SULF2: variants seen among roughly 807,000 people sequenced by gnomAD.
SULF2 encodes the protein extracellular sulfatase Sulf-2.
A neutral mutation model predicts 107.7 loss-of-function variants in SULF2; 52 were observed. That is an observed-to-expected ratio of 0.48 (90% CI 0.39 to 0.61). The LOEUF (loss-of-function observed/expected upper bound fraction) is 0.61. Ranked by LOEUF, SULF2 falls within the 20% of genes least tolerant of loss-of-function variation. SULF2 has a pLI of 0.00. For synonymous variants in SULF2, 460 were observed against 464.3 expected (o/e 0.99, Z 0.12); for missense variants, 993 against 1,177.3 (o/e 0.84, Z 2.29).
At chr20:47,713,612 T>C (rs2089006383) in intron 3 of SULF2, among the ~76,000 whole-genome samples, 1 of 151,562 alleles carries the variant, frequency 6.6e-6, no homozygotes, top group Admixed American at 6.6e-5. Context: ...GGGCCAGGCG[T>C]GGTGGCTCAT....
intron 3 of SULF2, among the ~76,000 whole-genome samples, chr20:47,712,889 G>T (rs570007506): frequency 3.1e-4 from 47 of 152,226 alleles, no homozygotes; most frequent in Admixed American, 2.9e-3. Context: ...CAAAAAATTA[G>T]CCAGGTGTGG....
At chr20:47,687,173 GGAT>G (rs1162608198) in intron 5 of SULF2, among the ~76,000 whole-genome samples, 2 of 152,326 alleles carry the variant, frequency 1.3e-5, no homozygotes, top group Admixed American at 6.5e-5. Context: ...ACTGTTCAGA[GGAT>G]GATGATTTCT....
intron 1 of SULF2, among the ~76,000 whole-genome samples, chr20:47,773,936 C>T (rs532539293): frequency 2.0e-5 from 3 of 152,230 alleles, no homozygotes; most frequent in Admixed American, 1.3e-4. Flanking sequence ...GGTATTTTGA[C>T]GGCTTGGTAT....
At chr20:47,764,702 G>A (rs1209099923) in intron 1 of SULF2, among the ~76,000 whole-genome samples, 1 of 152,190 alleles carries the variant, frequency 6.6e-6, no homozygotes, top group Non-Finnish European at 1.5e-5. Flanking sequence ...GGTGGACCAA[G>A]TTGCATCTTG....
Position 47,678,394 on chromosome 20 carries a change from T to G in SULF2, c.1193+282A>C. 1 of 395,290 alleles carries G rather than the reference T, an allele frequency of 2.5e-6. No individual in the cohort carries two copies. Among genetic ancestry groups the G allele is most frequent in the Non-Finnish European group, 4.8e-6 (1 of 209,488 alleles). The allele number at this position is 395,290 out of a possible 1,614,324, so 24.5% of individuals were successfully genotyped here. ...CACAAGCGCCGTGCAGTTAGCACCA[T>G]CTCCTACCATCACTGCTGCTATCAT... On this transcript the variant is annotated intron_variant, in intron 8 of 20. Transcript: ENST00000688720. The surrounding 1 kb of genome is among the most constrained non-coding windows in gnomAD (Gnocchi z 4.5).
chr20:47,768,546 AGGCCTCAGGGCAC>A (rs2090567339), intron 1 of SULF2, among the ~76,000 whole-genome samples: 1 of 152,240 alleles, frequency 6.6e-6, no homozygotes, highest in Non-Finnish European at 1.5e-5. Flanking sequence ...GTGTGAACAG[AGGCCTCAGGGCAC>A]GGCCTACCAG....
chr20:47,692,890 A>AT (rs1388470100), intron 4 of SULF2, among the ~76,000 whole-genome samples: 2 of 152,182 alleles, frequency 1.3e-5, no homozygotes, highest in Non-Finnish European at 2.9e-5. Flanking sequence ...GAAACATTCT[A>AT]TTTTTTGTGG....
At chr20:47,774,105 G>C (rs1019305880) in intron 1 of SULF2, among the ~76,000 whole-genome samples, 2 of 152,252 alleles carry the variant, frequency 1.3e-5, no homozygotes, top group African/African-American at 2.4e-5. Flanking sequence ...GAAGGAGTCA[G>C]AATCAACTTT....
intron 2 of SULF2, among the ~76,000 whole-genome samples, chr20:47,748,370 C>T (rs566194557): frequency 6.6e-6 from 1 of 152,384 alleles, no homozygotes; most frequent in African/African-American, 2.4e-5. Flanking sequence ...CACAACCCCA[C>T]TTCCCACTGC....
chr20:47,677,585 A>C (rs1233972543), intron 8 of SULF2, among the ~76,000 whole-genome samples: 1 of 152,196 alleles, frequency 6.6e-6, no homozygotes, highest in East Asian at 1.9e-4. Flanking sequence ...TGTCAGGCGC[A>C]GTGGTTGCCT....
At position 47,672,297 on chromosome 20, in the gene SULF2, C is replaced by T. The variant is rs140635355; in HGVS notation, c.1477G>A (p.Val493Met). 54 of 1,613,462 alleles carry T rather than the reference C, an allele frequency of 3.3e-5. No individual in the cohort carries two copies. The highest frequency in any genetic ancestry group is 7.7e-5 in the South Asian group (7 of 91,078). The change falls in exon 11 of 21, where the codon GTG becomes ATG. Residue 493 changes from valine to methionine, a missense_variant. This residue lies in a region of SULF2 where 497 missense variants were observed against 544.1 expected (regional missense o/e 0.91). Coordinates refer to ENST00000688720, the MANE Select transcript of SULF2 (RefSeq NM_001387048.1). ...LGGSRALSNLVPKYYGQGSEA... is the reference protein window; with the variant it reads ...LGGSRALSNLMPKYYGQGSEA... ...CTGCCCTGCCCGTAGTACTTGGGCA[C>T]GAGGTTGGAGAGGGCTCTGCTGCCG...
Position 47,691,518 on chromosome 20 carries a change from T to C in SULF2, c.568-1223A>G, listed in dbSNP as rs542171514. Among the ~76,000 whole-genome samples the C allele has an allele frequency of 9.9e-5, 15 of 152,258 alleles. No individual in the cohort carries two copies. The East Asian group carries it at 2.7e-3, about 27-fold the overall frequency. On this transcript the variant is annotated intron_variant, in intron 4 of 20. Coordinates refer to ENST00000688720, the MANE Select transcript of SULF2 (RefSeq NM_001387048.1). ...GCGGTTTGGCCCAGGTATCAGACTTTTAAAAAACTCCCCAGGGGATTCTAA... is the reference window on the plus strand; with the variant it reads ...GCGGTTTGGCCCAGGTATCAGACTTCTAAAAAACTCCCCAGGGGATTCTAA...
chr20:47,698,784 C>A (rs1288900911), intron 4 of SULF2, among the ~76,000 whole-genome samples: 1 of 152,126 alleles, frequency 6.6e-6, no homozygotes, highest in Non-Finnish European at 1.5e-5. Context: ...GTAATCCCAG[C>A]ACTTTGGGAG....
At chr20:47,681,084 G>C (rs895924631) in intron 7 of SULF2, among the ~76,000 whole-genome samples, 1 of 152,194 alleles carries the variant, frequency 6.6e-6, no homozygotes, top group Non-Finnish European at 1.5e-5. Flanking sequence ...CTGAAAATCT[G>C]GAGCTGCTGA....
intron 1 of SULF2, among the ~76,000 whole-genome samples, chr20:47,772,710 C>T (rs1351179849): frequency 6.6e-6 from 1 of 152,062 alleles, no homozygotes; most frequent in East Asian, 2.0e-4. Context: ...AGGTCTCCTG[C>T]CCGACCCTCC....
chr20:47,766,373 G>A (rs909694738), intron 1 of SULF2, among the ~76,000 whole-genome samples: 2 of 152,310 alleles, frequency 1.3e-5, no homozygotes, highest in Non-Finnish European at 2.9e-5. Context: ...ATTCCAAATG[G>A]AGGCAGAGAA....
chr20:47,679,700 A>G (rs1213859574), intron 7 of SULF2, among the ~76,000 whole-genome samples: 1 of 152,104 alleles, frequency 6.6e-6, no homozygotes, highest in African/African-American at 2.4e-5. Flanking sequence ...CGGCACCTTG[A>G]TTTCAGCCTA....
At chr20:47,662,905 A>AG (rs2087130232) in intron 17 of SULF2, among the ~76,000 whole-genome samples, 165 bp downstream of exon 17, 1 of 118,032 alleles carries the variant, frequency 8.5e-6, no homozygotes, top group Non-Finnish European at 2.1e-5. Context: ...AGGCTGATTG[A>AG]ACACAGAACC....
Position 47,740,351 on chromosome 20 carries a change from G to C in SULF2, c.176-3409C>G, listed in dbSNP as rs548134424. Among the ~76,000 whole-genome samples the C allele has an allele frequency of 5.3e-5, 8 of 152,314 alleles. No homozygotes were observed. In the East Asian group the frequency reaches 1.5e-3, roughly 29 times the overall value. On this transcript the variant is annotated intron_variant, in intron 2 of 20. Coordinates refer to ENST00000688720, the MANE Select transcript of SULF2 (RefSeq NM_001387048.1). Reference sequence around the variant, plus strand: ...CGGGAGGTGGTAACAGTGTCCTGAGGAAGTGCATAGAGGTCCCCATGCTCT... The same window carrying C: ...CGGGAGGTGGTAACAGTGTCCTGAGCAAGTGCATAGAGGTCCCCATGCTCT...
Sources: gnomAD v4.1 joint callset for allele counts (sites outside exome capture counted in the v4.1 genomes callset) on GRCh38, gnomAD v4.1.1 for gene constraint, gnomAD v4.1.1 regional missense constraint, Gnocchi (gnomAD v3.1) non-coding constraint, MANE v1.5 for transcripts, NCBI Gene and HGNC (gene_info 2026-07-23, HGNC 2026-07-21) for gene names.